Variants in TRPM3 observed in about 807,000 individuals in gnomAD.
TRPM3 encodes the protein transient receptor potential cation channel subfamily M member 3, also known as long transient receptor potential channel 3.
TRPM3 carries 77 observed loss-of-function variants against 181.2 expected under a neutral mutation model. That is an observed-to-expected ratio of 0.42 (90% CI 0.35 to 0.51). The LOEUF (loss-of-function observed/expected upper bound fraction) is 0.51. Among genes scored for constraint, TRPM3 ranks in the 20% least tolerant of loss-of-function variants. The probability of loss-of-function intolerance (pLI) is 0.01; values close to 1 mark genes in which losing one functional copy is unlikely to be tolerated. For missense variants in TRPM3, 1,759 were observed against 2,196.7 expected, an observed-to-expected ratio of 0.80 and a Z score of 3.98; for synonymous variants, 745 against 796.4, an observed-to-expected ratio of 0.94 and a Z score of 1.09.
chr9:71,204,783 ATT>A, intron 1 of TRPM3, among the ~76,000 whole-genome samples: 1 of 152,116 alleles, frequency 6.6e-6, no homozygotes, highest in Non-Finnish European at 1.5e-5. Context: ...TTGCGGCACT[ATT>A]CACAATAGCA....
At chr9:70,791,024 G>T (rs929241975) in intron 6 of TRPM3, among the ~76,000 whole-genome samples, 1 of 152,178 alleles carries the variant, frequency 6.6e-6, no homozygotes, top group African/African-American at 2.4e-5. Context: ...TAACTAGAAT[G>T]TCTCTTAGGT....
chr9:71,099,713 T>C (rs1223960910), intron 1 of TRPM3, among the ~76,000 whole-genome samples: 1 of 152,220 alleles, frequency 6.6e-6, no homozygotes, highest in African/African-American at 2.4e-5. Flanking sequence ...ATCCATTCTA[T>C]ACTTGTGTTA....
At chr9:70,590,468 G>C (rs1390967246) in intron 22 of TRPM3, among the ~76,000 whole-genome samples, 1 of 152,126 alleles carries the variant, frequency 6.6e-6, no homozygotes, top group Non-Finnish European at 1.5e-5. Flanking sequence ...ATACTTCCAG[G>C]CAATGAATAC....
rs535846675 is a variant in TRPM3, at chr9:70,615,482, C to G, written c.2526+426G>C. 3.9e-5 allele frequency among the ~76,000 whole-genome samples: 6 copies of G among 152,316 alleles called. No individual in the cohort carries two copies. The East Asian group carries it at 9.6e-4, about 24-fold the overall frequency. On this transcript the variant is annotated intron_variant, in intron 18 of 25. Coordinates refer to ENST00000677713, the MANE Select transcript of TRPM3 (RefSeq NM_001366145.2). Reference sequence around the variant, plus strand: ...ATTAGTGCTGTAATTGTGAGCCTGACCCTGAAGACAGATACAGGCTTAGCT... The same window carrying G: ...ATTAGTGCTGTAATTGTGAGCCTGAGCCTGAAGACAGATACAGGCTTAGCT...
chr9:71,010,793 T>C (rs1209976657), intron 1 of TRPM3, among the ~76,000 whole-genome samples: 1 of 151,886 alleles, frequency 6.6e-6, no homozygotes, highest in Non-Finnish European at 1.5e-5. Context: ...CCAAAAGAAA[T>C]GAAATTGGTT....
At chr9:71,432,652 C>T (rs2093975737) in intron 1 of TRPM3, among the ~76,000 whole-genome samples, 1 of 152,030 alleles carries the variant, frequency 6.6e-6, no homozygotes, top group African/African-American at 2.4e-5. Context: ...ATTTCTTTGT[C>T]ACAAAATGGC....
At chr9:71,287,130 TATA>T (rs1168675956) in intron 1 of TRPM3, among the ~76,000 whole-genome samples, 1 of 146,074 alleles carries the variant, frequency 6.8e-6, no homozygotes, top group East Asian at 2.0e-4. Flanking sequence ...TATGGTAATA[TATA>T]ATAAAAATAT....
At chr9:70,816,297 T>C (rs2092683572) in intron 6 of TRPM3, among the ~76,000 whole-genome samples, 1 of 152,242 alleles carries the variant, frequency 6.6e-6, no homozygotes, top group African/African-American at 2.4e-5. Context: ...ACTGTCTGTA[T>C]CTTGCCAAAT....
intron 1 of TRPM3, among the ~76,000 whole-genome samples, chr9:71,262,101 C>G: frequency 6.6e-6 from 1 of 152,184 alleles, no homozygotes; most frequent in South Asian, 2.1e-4. Flanking sequence ...AAGCTGCGCC[C>G]ACAGCTGCCC....
chr9:70,786,311 C>CAAAAAAAAAAAAAAAAAAAAAAAA lies in TRPM3; in HGVS notation c.974-2056_974-2033dup, dbSNP rs71367227. 1.9e-3 allele frequency among the ~76,000 whole-genome samples: 105 copies of CAAAAAAAAAAAAAAAAAAAAAAAA among 54,432 alleles called. 1 individual carries two copies. The highest frequency in any genetic ancestry group is 2.6e-3 in the Non-Finnish European group (76 of 29,096). The allele number at this position is 54,432 out of a possible 152,430, so 35.7% of individuals were successfully genotyped here. A position where few individuals can be genotyped will look rare whatever the true frequency, so the allele number is the denominator to read the frequency against. On this transcript the variant is annotated intron_variant, in intron 6 of 25. Transcript: ENST00000677713. ...GAAACCCTGTCACTACTAAAAATAC[C>CAAAAAAAAAAAAAAAAAAAAAAAA]AAAAAAAAAAAAAAAAAAAAAAAAT...
intron 7 of TRPM3, among the ~76,000 whole-genome samples, chr9:70,772,423 T>G (rs111528957): frequency 2.1e-3 from 313 of 151,886 alleles, no homozygotes; most frequent in African/African-American, 7.2e-3. Context: ...GCTCAGGTGA[T>G]CCTCCCACCT....
chr9:70,966,668 A>G (rs1277330965), intron 1 of TRPM3, among the ~76,000 whole-genome samples: 1 of 152,104 alleles, frequency 6.6e-6, no homozygotes, highest in East Asian at 1.9e-4. Context: ...GCGTGTTCTC[A>G]CTTATAAGTG....
At chr9:70,756,640 T>G (rs994658292) in intron 8 of TRPM3, among the ~76,000 whole-genome samples, 9 of 152,188 alleles carry the variant, frequency 5.9e-5, no homozygotes, top group Admixed American at 5.9e-4. Context: ...CAACAGTCTC[T>G]CAGACCACAG....
intron 9 of TRPM3, among the ~76,000 whole-genome samples, chr9:70,658,644 G>A (rs939238023): frequency 6.6e-6 from 1 of 151,890 alleles, no homozygotes; most frequent in African/African-American, 2.4e-5. Flanking sequence ...TTGTGTCTTT[G>A]ACTATGGCTG....
At chr9:71,007,039 C>CAAAAAAA (rs59442017) in intron 1 of TRPM3, among the ~76,000 whole-genome samples, 116 of 27,994 alleles carry the variant, frequency 4.1e-3, no homozygotes, top group East Asian at 7.2e-3. Flanking sequence ...AACTCCATCT[C>CAAAAAAA]AAAAAAAAAA....
At chr9:70,888,007 A>G (rs1201826268) in intron 1 of TRPM3, among the ~76,000 whole-genome samples, 1 of 152,220 alleles carries the variant, frequency 6.6e-6, no homozygotes, top group Non-Finnish European at 1.5e-5. Flanking sequence ...GTCACTTCTA[A>G]TCTATTACAA....
intron 1 of TRPM3, among the ~76,000 whole-genome samples, chr9:71,400,151 C>T (rs1182812948): frequency 6.6e-6 from 1 of 152,046 alleles, no homozygotes; most frequent in Non-Finnish European, 1.5e-5. Flanking sequence ...AAATAATTCT[C>T]GTTTGGGAGA....
intron 1 of TRPM3, among the ~76,000 whole-genome samples, chr9:70,938,414 G>A (rs1393195579): frequency 1.3e-5 from 2 of 152,056 alleles, no homozygotes; most frequent in South Asian, 2.1e-4. Flanking sequence ...CTAATGCTAA[G>A]CCACCTTCCT....
intron 9 of TRPM3, among the ~76,000 whole-genome samples, chr9:70,662,072 G>A (rs1244224133): frequency 6.6e-6 from 1 of 152,002 alleles, no homozygotes; most frequent in East Asian, 1.9e-4. Flanking sequence ...ATAAAAATAG[G>A]CACATAGACC....
Sources: allele counts gnomAD v4.1 joint callset (sites outside exome capture counted in the v4.1 genomes callset), GRCh38; gene constraint gnomAD v4.1.1; transcripts MANE v1.5; gene names NCBI Gene and HGNC (gene_info 2026-07-23, HGNC 2026-07-21).